Variants in CACNA1E observed in about 807,000 individuals in gnomAD.
The protein encoded by CACNA1E is voltage-dependent R-type calcium channel subunit alpha-1E.
In CACNA1E, 40 loss-of-function variants were observed where a neutral mutation model predicts 259.2. That is an observed-to-expected ratio of 0.15 (90% confidence interval 0.12 to 0.20). The LOEUF (loss-of-function observed/expected upper bound fraction) is 0.20. CACNA1E is among the 10% of genes least tolerant of loss of function. The pLI is 1.00. For missense variants in CACNA1E, 1,874 were observed against 3,040.1 expected, an observed-to-expected ratio of 0.62 and a Z score of 9.02; for synonymous variants, 1,104 against 1,138.5, an observed-to-expected ratio of 0.97 and a Z score of 0.61.
intron 1 of CACNA1E, among the ~76,000 whole-genome samples, chr1:181,503,384 G>A (rs916771426): frequency 2.6e-5 from 4 of 152,204 alleles, no homozygotes; most frequent in African/African-American, 9.6e-5. Flanking sequence ...CTAATCACTG[G>A]GAGAGATTGC....
chr1:181,471,466 A>G (rs1172562831), intron 2 of CACNA1E, among the ~76,000 whole-genome samples: 2 of 152,200 alleles, frequency 1.3e-5, no homozygotes, highest in African/African-American at 4.8e-5. Flanking sequence ...TCAACGAGGC[A>G]ACACATATAT....
intron 1 of CACNA1E, among the ~76,000 whole-genome samples, chr1:181,324,976 T>C (rs1650653204): frequency 6.6e-6 from 1 of 152,158 alleles, no homozygotes; most frequent in Admixed American, 6.5e-5. Flanking sequence ...CTGCACAGGA[T>C]GCAGACTTCA....
intron 1 of CACNA1E, among the ~76,000 whole-genome samples, chr1:181,358,543 T>C (rs908579539): frequency 1.3e-5 from 2 of 152,324 alleles, no homozygotes; most frequent in Middle Eastern, 3.4e-3. Flanking sequence ...AGCTTCTTTA[T>C]TGTGGCTGGT....
intron 1 of CACNA1E, among the ~76,000 whole-genome samples, chr1:181,367,236 G>A (rs1453411168): frequency 6.6e-6 from 1 of 152,196 alleles, no homozygotes; most frequent in Non-Finnish European, 1.5e-5. Flanking sequence ...ATTTGTCAAA[G>A]ATCTTTGGCC....
intron 6 of CACNA1E, among the ~76,000 whole-genome samples, chr1:181,641,704 T>TG (rs1657771778): frequency 1.3e-4 from 1 of 7,554 alleles, no homozygotes; most frequent in South Asian, 3.4e-3. Flanking sequence ...TAATTTTTTG[T>TG]TTTTTTTTTT....
At chr1:181,550,281 A>G (rs1647984177) in intron 3 of CACNA1E, among the ~76,000 whole-genome samples, 1 of 152,070 alleles carries the variant, frequency 6.6e-6, no homozygotes, top group Non-Finnish European at 1.5e-5. Context: ...GCAGTCTGGT[A>G]TGGAGAGGGG....
chr1:181,459,117 G>A (rs752748606), intron 2 of CACNA1E, among the ~76,000 whole-genome samples: 3 of 152,240 alleles, frequency 2.0e-5, no homozygotes, highest in African/African-American at 7.2e-5. Context: ...GGAAGGCTCT[G>A]CAAAGGTAGC....
chr1:181,534,767 C>A (rs4146634), intron 3 of CACNA1E, among the ~76,000 whole-genome samples: 2 of 151,730 alleles, frequency 1.3e-5, no homozygotes, highest in Admixed American at 1.3e-4. Context: ...AGAAAGGAAG[C>A]GATTTTAAAG....
intron 36 of CACNA1E, 85 bp downstream of exon 36, chr1:181,771,469 T>C: frequency 1.3e-6 from 1 of 753,584 alleles, no homozygotes; most frequent in Non-Finnish European, 2.3e-6. Flanking sequence ...CATTTCCCTT[T>C]GTATCTTTAT....
intron 7 of CACNA1E, among the ~76,000 whole-genome samples, chr1:181,702,086 C>A (rs1051538234): frequency 6.6e-6 from 1 of 152,084 alleles, no homozygotes; most frequent in Non-Finnish European, 1.5e-5. Context: ...GCTTAATGAT[C>A]TTTAATATAA....
chr1:181,490,853 G>T (rs1416996725), intron 1 of CACNA1E, among the ~76,000 whole-genome samples: 1 of 152,116 alleles, frequency 6.6e-6, no homozygotes, highest in Non-Finnish European at 1.5e-5. Context: ...GAAGTGCTCT[G>T]GTGTAGATCA....
At chr1:181,499,429 G>A (rs1665053469) in intron 1 of CACNA1E, among the ~76,000 whole-genome samples, 1 of 152,152 alleles carries the variant, frequency 6.6e-6, no homozygotes, top group Admixed American at 6.5e-5. Flanking sequence ...AGGGTGTAGG[G>A]CTGAGAGTAC....
intron 7 of CACNA1E, among the ~76,000 whole-genome samples, chr1:181,673,972 C>T (rs148124680): frequency 2.0e-5 from 3 of 152,054 alleles, no homozygotes; most frequent in Admixed American, 6.6e-5. Flanking sequence ...TGTTCAGTTC[C>T]CCAGCCACAC....
chr1:181,645,260 C>T (rs765713974), intron 6 of CACNA1E, among the ~76,000 whole-genome samples: 5 of 151,954 alleles, frequency 3.3e-5, no homozygotes, highest in Non-Finnish European at 5.9e-5. Flanking sequence ...TAGGAAGGGA[C>T]GTGAGGAAGA....
At chr1:181,529,596 G>T (rs976267965) in intron 3 of CACNA1E, among the ~76,000 whole-genome samples, 1 of 152,212 alleles carries the variant, frequency 6.6e-6, no homozygotes, top group African/African-American at 2.4e-5. Context: ...AGCCACAGGG[G>T]TGGGGCTGCC....
At chr1:181,493,247 A>G (rs1417013342) in intron 1 of CACNA1E, among the ~76,000 whole-genome samples, 1 of 152,254 alleles carries the variant, frequency 6.6e-6, no homozygotes, top group Non-Finnish European at 1.5e-5. Flanking sequence ...GGCTATCAGG[A>G]GTAGTGATTC....
At chr1:181,737,863 C>T (rs1180735192) in intron 23 of CACNA1E, among the ~76,000 whole-genome samples, 6 of 152,200 alleles carry the variant, frequency 3.9e-5, no homozygotes, top group East Asian at 3.9e-4. Flanking sequence ...TGCCCCAAAC[C>T]GGCCAGGGCT....
chr1:181,400,947 G>A (rs1258023600), intron 1 of CACNA1E, among the ~76,000 whole-genome samples: 1 of 152,120 alleles, frequency 6.6e-6, no homozygotes, highest in Non-Finnish European at 1.5e-5. Context: ...GGAGTGTCAT[G>A]CCTGCTTAAA....
upstream of CACNA1E, among the ~76,000 whole-genome samples, chr1:181,478,809 T>C (rs1173158293): frequency 1.3e-5 from 2 of 152,156 alleles, no homozygotes; most frequent in African/African-American, 4.8e-5. Flanking sequence ...GCCAACTGCT[T>C]CTCCAACTTT....
Sources: gnomAD v4.1 joint callset for allele counts (sites outside exome capture counted in the v4.1 genomes callset) on GRCh38, gnomAD v4.1.1 for gene constraint, MANE v1.5 for transcripts, NCBI Gene and HGNC (gene_info 2026-07-23, HGNC 2026-07-21) for gene names.